The following MALRD1 variants were observed in gnomAD, a reference collection of about 807,000 sequenced individuals.
The protein encoded by MALRD1 is MAM and LDL-receptor class A domain-containing protein 1.
In MALRD1, 247 loss-of-function variants were observed where a neutral mutation model predicts 242.1. The ratio of observed to expected loss-of-function variants is 1.02; its 90% confidence interval spans 0.92 to 1.13. MALRD1 has a LOEUF of 1.13. Among genes scored for constraint, MALRD1 ranks in the 50% most tolerant of loss-of-function variants. MALRD1 has a pLI of 0.00. For synonymous variants in MALRD1, 995 were observed against 866.6 expected (o/e 1.15, Z -2.60); for missense variants, 2,989 against 2,533.1 (o/e 1.18, Z -3.86).
intron 33 of MALRD1, among the ~76,000 whole-genome samples, chr10:19,587,261 A>G (rs979916025): frequency 6.6e-6 from 1 of 152,112 alleles, no homozygotes; most frequent in African/African-American, 2.4e-5. Context: ...CCTCTTTTGT[A>G]ATCTTTTTGA....
chr10:19,682,151 A>G (rs1053322528), intron 36 of MALRD1, among the ~76,000 whole-genome samples: 3 of 152,196 alleles, frequency 2.0e-5, no homozygotes, highest in African/African-American at 4.8e-5. Flanking sequence ...AAAGTAATCA[A>G]CTTGAGTAAA....
In MALRD1 at chr10:19,165,637, G is replaced by C. The variant is rs147258401; in HGVS notation, c.1657G>C (p.Val553Leu). ...KLLTASTPCQ[V>L]QFWYHLSQHS... ...ATCATTGAAAACATGTTTTCAACAG[G>C]TGCAGTTTTGGTATCATTTGTCTCA... is the stretch of plus-strand genomic sequence containing the variant. Residue 553 changes from valine (V) to leucine (L), a missense_variant and splice_region_variant, in exon 13 of 40, where the codon GTG becomes CTG. Val to Leu is a conservative substitution (Grantham distance 32). Coordinates refer to ENST00000454679, the MANE Select transcript of MALRD1 (RefSeq NM_001142308.3). The C allele has an allele frequency of 3.2e-6, 4 of 1,231,100 alleles. No individual in the cohort carries two copies. The African/African-American group carries it at 4.7e-5, about 14-fold the overall frequency. The allele number at this position is 1,231,100 out of a possible 1,614,324, so 76.3% of individuals were successfully genotyped here.
intron 29 of MALRD1, among the ~76,000 whole-genome samples, chr10:19,451,622 C>G (rs1835332664): frequency 6.6e-6 from 1 of 152,108 alleles, no homozygotes; most frequent in Non-Finnish European, 1.5e-5. Flanking sequence ...AGAGCTAAAC[C>G]TGAATGCTGT....
chr10:19,502,311 T>G (rs1286858226), intron 31 of MALRD1, among the ~76,000 whole-genome samples: 2 of 152,230 alleles, frequency 1.3e-5, no homozygotes, highest in African/African-American at 4.8e-5. Context: ...CAGAGTAATG[T>G]TAAAGCCATC....
Position 19,530,389 on chromosome 10 carries a change from TTTATATA to T in MALRD1, c.5321-804_5321-798del, listed in dbSNP as rs1834321142. Reference sequence around the variant, plus strand: ...TAAATATTTATATAAATATTATATATTTATATAAATATTATATATTTATATAATAATA... The same window carrying T: ...TAAATATTTATATAAATATTATATATAATATTATATATTTATATAATAATA... On this transcript the variant is annotated intron_variant, in intron 31 of 39. Transcript: ENST00000454679. 2.6e-5 allele frequency among the ~76,000 whole-genome samples: 2 copies of T among 75,652 alleles called. 1 individual carries two copies. The highest frequency in any genetic ancestry group is 4.5e-5 in the Non-Finnish European group (2 of 44,214). The allele number at this position is 75,652 out of a possible 152,430, so 49.6% of individuals were successfully genotyped here. A position where few individuals can be genotyped will look rare whatever the true frequency, so the allele number is the denominator to read the frequency against.
intron 29 of MALRD1, among the ~76,000 whole-genome samples, chr10:19,457,404 A>G (rs1589110615): frequency 1.3e-5 from 2 of 152,100 alleles, no homozygotes; most frequent in East Asian, 3.9e-4. Flanking sequence ...AGCAAGGGAC[A>G]ACAGAAAATT....
chr10:19,145,483 A>G (rs1029097609), intron 10 of MALRD1, among the ~76,000 whole-genome samples: 2 of 152,042 alleles, frequency 1.3e-5, no homozygotes, highest in African/African-American at 4.8e-5. Flanking sequence ...GTCTCTCCTA[A>G]AAATAAAAAA....
At chr10:19,195,051 TG>T (rs113695229) in intron 14 of MALRD1, among the ~76,000 whole-genome samples, 15,627 of 152,188 alleles carry the variant, frequency 0.1, 853 homozygotes, top group East Asian at 0.18. Context: ...GCCCAGGATG[TG>T]GAATCATCCT....
Position 19,667,822 on chromosome 10 carries a change from T to C in MALRD1, c.6138-24460T>C, listed in dbSNP as rs377427448. ...AGGGTATTTCTTTATGGTAATGTAA[T>C]GATGGCCTGATACACCATAGAAGGG... is the stretch of plus-strand genomic sequence containing the variant. On this transcript the variant is annotated intron_variant, in intron 36 of 39. Coordinates refer to ENST00000454679, the MANE Select transcript of MALRD1 (RefSeq NM_001142308.3). Among the ~76,000 whole-genome samples, 34 of 152,296 alleles carry C rather than the reference T, an allele frequency of 2.2e-4. 1 individual carries two copies. The highest frequency in any genetic ancestry group is 7.5e-4 in the African/African-American group (31 of 41,564).
chr10:19,561,426 T>C (rs1193448618), intron 32 of MALRD1, among the ~76,000 whole-genome samples: 1 of 152,234 alleles, frequency 6.6e-6, no homozygotes, highest in Non-Finnish European at 1.5e-5. Context: ...AATCTTGGCA[T>C]CTTTAACTAT....
chr10:19,529,574 A>G (rs1450107975), intron 31 of MALRD1, among the ~76,000 whole-genome samples: 1 of 151,766 alleles, frequency 6.6e-6, no homozygotes, highest in Non-Finnish European at 1.5e-5. Flanking sequence ...AAGATTAAGG[A>G]TATTAGAGTA....
chr10:19,070,295 C>A (rs969004769), intron 2 of MALRD1, among the ~76,000 whole-genome samples: 3 of 152,116 alleles, frequency 2.0e-5, no homozygotes, highest in Non-Finnish European at 2.9e-5. Context: ...TTGCCAAGAA[C>A]ATACACATTA....
chr10:19,623,643 A>G (rs1226609770), intron 36 of MALRD1, among the ~76,000 whole-genome samples: 1 of 152,144 alleles, frequency 6.6e-6, no homozygotes, highest in African/African-American at 2.4e-5. Context: ...CCAAACTCCC[A>G]AGACTGACAA....
intron 38 of MALRD1, among the ~76,000 whole-genome samples, chr10:19,711,470 C>T (rs1834111313): frequency 1.3e-5 from 2 of 152,136 alleles, no homozygotes; most frequent in African/African-American, 2.4e-5. Context: ...AATCTCAATA[C>T]TGCAATAAGC....
chr10:19,063,850 G>A (rs921725058), intron 1 of MALRD1, among the ~76,000 whole-genome samples: 1 of 151,798 alleles, frequency 6.6e-6, no homozygotes, highest in South Asian at 2.1e-4. Context: ...GCTAAATGAC[G>A]AGTTAATGGG....
chr10:19,330,444 A>G (rs1213410486), intron 23 of MALRD1, among the ~76,000 whole-genome samples: 1 of 152,154 alleles, frequency 6.6e-6, no homozygotes, highest in Non-Finnish European at 1.5e-5. Flanking sequence ...ATTTTGTACA[A>G]AATCACTAAA....
At chr10:19,406,201 A>G (rs547500678) in intron 28 of MALRD1, among the ~76,000 whole-genome samples, 3 of 152,342 alleles carry the variant, frequency 2.0e-5, no homozygotes, top group South Asian at 4.1e-4. Flanking sequence ...CACTTTAGGT[A>G]AAGTTTTCTA....
intron 38 of MALRD1, among the ~76,000 whole-genome samples, chr10:19,699,426 A>G (rs1833521021): frequency 6.6e-6 from 1 of 152,010 alleles, no homozygotes; most frequent in African/African-American, 2.4e-5. Flanking sequence ...AACATGGAAA[A>G]TAGAGATAAA....
intron 28 of MALRD1, among the ~76,000 whole-genome samples, chr10:19,437,314 CT>C: frequency 6.6e-6 from 1 of 152,000 alleles, no homozygotes; most frequent in East Asian, 1.9e-4. Flanking sequence ...TGTTCCACTG[CT>C]TTGTATATTT....
Sources: gnomAD v4.1 joint callset for allele counts (sites outside exome capture counted in the v4.1 genomes callset) on GRCh38, gnomAD v4.1.1 for gene constraint, MANE v1.5 for transcripts, NCBI Gene and HGNC (gene_info 2026-07-23, HGNC 2026-07-21) for gene names.